Variants in LRRC37A2 observed in about 807,000 individuals in gnomAD.
LRRC37A2 encodes the protein leucine-rich repeat-containing protein 37A2.
LRRC37A2 carries 9 observed loss-of-function variants against 68.8 expected under a neutral mutation model. The ratio of observed to expected loss-of-function variants is 0.13; its 90% confidence interval spans 0.08 to 0.23. The LOEUF is 0.23. Among genes scored for constraint, LRRC37A2 ranks in the 10% least tolerant of loss-of-function variants. The pLI is 1.00. For synonymous variants in LRRC37A2, 63 were observed against 367.6 expected (o/e 0.17, Z 9.48); for missense variants, 168 against 950.4 (o/e 0.18, Z 10.82).
chr17:46,753,085 A>T, the LRRC37A2 span, among the ~76,000 whole-genome samples: 1 of 152,200 alleles, frequency 6.6e-6, no homozygotes, highest in Admixed American at 6.5e-5. Flanking sequence ...CTTCTGTTGG[A>T]TGAATAACTG....
At chr17:46,962,381 C>G in the LRRC37A2 span, among the ~76,000 whole-genome samples, 1 of 151,996 alleles carries the variant, frequency 6.6e-6, no homozygotes, top group African/African-American at 2.4e-5. Flanking sequence ...AAAGATACCC[C>G]CAATGAACCA....
At chr17:46,872,973 A>G in the LRRC37A2 span, among the ~76,000 whole-genome samples, 5 of 152,076 alleles carry the variant, frequency 3.3e-5, no homozygotes, top group African/African-American at 9.7e-5. Context: ...GCCCAGCCTC[A>G]GGTTTGGGGG....
At chr17:46,832,196 C>A in the LRRC37A2 span, among the ~76,000 whole-genome samples, 2 of 152,138 alleles carry the variant, frequency 1.3e-5, no homozygotes, top group African/African-American at 4.8e-5. Flanking sequence ...CACAAACGTG[C>A]CAAAGGTTGC....
the LRRC37A2 span, chr17:46,751,656 A>G: frequency 1.5e-6 from 2 of 1,335,700 alleles, no homozygotes; most frequent in African/African-American, 2.9e-5. Flanking sequence ...GACAGAACAA[A>G]GCTTCAGGAC....
the LRRC37A2 span, among the ~76,000 whole-genome samples, chr17:46,988,298 C>A: frequency 6.6e-6 from 1 of 152,048 alleles, no homozygotes; most frequent in Non-Finnish European, 1.5e-5. Flanking sequence ...AAGAGAGAAC[C>A]AAGATTGGTG....
At chr17:46,767,695 A>G in the LRRC37A2 span, among the ~76,000 whole-genome samples, 1 of 152,198 alleles carries the variant, frequency 6.6e-6, no homozygotes, top group Non-Finnish European at 1.5e-5. Context: ...GCTATGCAAA[A>G]ATTTGATCTG....
chr17:46,528,907 C>G (rs1214706349), intron 6 of LRRC37A2: 1 of 665,864 alleles, frequency 1.5e-6, no homozygotes, highest in African/African-American at 2.0e-5. Flanking sequence ...CCAAGTACAT[C>G]GCGCATATTG....
chr17:46,809,817 A>G, the LRRC37A2 span, among the ~76,000 whole-genome samples: 1 of 151,966 alleles, frequency 6.6e-6, no homozygotes, highest in Non-Finnish European at 1.5e-5. Context: ...GCCCTCTCCC[A>G]GGGGCTCTCC....
At chr17:46,725,108 G>A in the LRRC37A2 span, among the ~76,000 whole-genome samples, 1 of 152,050 alleles carries the variant, frequency 6.6e-6, no homozygotes, top group Non-Finnish European at 1.5e-5. Flanking sequence ...TACAAAAATA[G>A]TACAATGAAT....
At chr17:46,814,686 C>T in the LRRC37A2 span, among the ~76,000 whole-genome samples, 4 of 152,246 alleles carry the variant, frequency 2.6e-5, no homozygotes, top group Admixed American at 1.3e-4. Flanking sequence ...CTGCCTGTTA[C>T]AAGTGTTAAC....
the LRRC37A2 span, among the ~76,000 whole-genome samples, chr17:46,956,002 A>C: frequency 1.3e-5 from 2 of 152,284 alleles, no homozygotes; most frequent in African/African-American, 4.8e-5. Context: ...GGGAATGGAA[A>C]ATCTTTCCAT....
chr17:46,491,127 G>A, the LRRC37A2 span, among the ~76,000 whole-genome samples: 1 of 151,000 alleles, frequency 6.6e-6, no homozygotes, highest in Non-Finnish European at 1.5e-5. Flanking sequence ...GAACTCCTGA[G>A]CTCAGGCGAT....
At chr17:46,738,015 C>G in the LRRC37A2 span, among the ~76,000 whole-genome samples, 1 of 151,800 alleles carries the variant, frequency 6.6e-6, no homozygotes, top group Non-Finnish European at 1.5e-5. Context: ...ATCACTGCAG[C>G]CTTTACCTCC....
the LRRC37A2 span, among the ~76,000 whole-genome samples, chr17:46,998,289 C>T: frequency 6.8e-4 from 104 of 152,318 alleles, no homozygotes; most frequent in East Asian, 9.7e-4. Context: ...GTCCTAATCC[C>T]GGCTCGGCCG....
chr17:46,941,286 A>G, the LRRC37A2 span: 1 of 985,874 alleles, frequency 1.0e-6, no homozygotes, highest in Non-Finnish European at 1.2e-6. Context: ...AATGGGTTTG[A>G]TTTGCAAATT....
the LRRC37A2 span, chr17:46,938,483 T>C: frequency 6.6e-7 from 1 of 1,526,676 alleles, no homozygotes; most frequent in African/African-American, 1.4e-5. Context: ...TTTCTGTGTA[T>C]TCTGGGCATG....
At chr17:46,597,765 G>T in the LRRC37A2 span, among the ~76,000 whole-genome samples, 1 of 84,860 alleles carries the variant, frequency 1.2e-5, no homozygotes, top group African/African-American at 5.6e-5. Context: ...TTTATCAAAT[G>T]TTTTTGTTGT....
At chr17:47,024,845 G>A in the LRRC37A2 span, 18 of 617,288 alleles carry the variant, frequency 2.9e-5, no homozygotes, top group Non-Finnish European at 4.9e-5. Flanking sequence ...ATTTCTTTGA[G>A]CAATAAAATT....
the LRRC37A2 span, among the ~76,000 whole-genome samples, chr17:46,501,581 A>G: frequency 2.0e-5 from 3 of 151,258 alleles, no homozygotes; most frequent in African/African-American, 7.4e-5. Flanking sequence ...ATCAGTCACA[A>G]ACTGCCTATT....
Sources: allele counts gnomAD v4.1 joint callset (sites outside exome capture counted in the v4.1 genomes callset), GRCh38; gene constraint gnomAD v4.1.1; transcripts MANE v1.5; gene names NCBI Gene and HGNC (gene_info 2026-07-23, HGNC 2026-07-21).